ADAMTS3: variants seen among roughly 807,000 people sequenced by gnomAD.
ADAMTS3 encodes the protein ADAM metallopeptidase with thrombospondin type 1 motif 3.
Under a neutral mutation model 129.0 loss-of-function variants are expected in ADAMTS3, and 73 were observed. The ratio of observed to expected loss-of-function variants is 0.57; its 90% CI spans 0.47 to 0.69. The LOEUF (loss-of-function observed/expected upper bound fraction) is 0.69. ADAMTS3 is among the 30% of genes least tolerant of loss of function. The pLI is 0.00. For missense variants in ADAMTS3, 1,457 were observed against 1,514.5 expected (o/e 0.96, Z 0.63); for synonymous variants, 477 against 510.8 (o/e 0.93, Z 0.89).
At chr4:72,494,022 G>C (rs788922) in intron 3 of ADAMTS3, among the ~76,000 whole-genome samples, 4,017 of 152,108 alleles carry the variant, frequency 0.026, 200 homozygotes, top group African/African-American at 0.092. Flanking sequence ...TTTGACATTT[G>C]ACAATTTGAT....
chr4:72,410,802 GT>G (rs35589703), intron 4 of ADAMTS3, among the ~76,000 whole-genome samples: 101,595 of 151,792 alleles, frequency 0.67, 34,629 homozygotes, highest in South Asian at 0.8. Flanking sequence ...AAATTAAAGA[GT>G]TTCAAAATGT....
chr4:72,456,219 A>G (rs113922821), intron 3 of ADAMTS3, among the ~76,000 whole-genome samples: 25 of 7,210 alleles, frequency 3.5e-3, no homozygotes, highest in African/African-American at 8.6e-3. Context: ...TATATTTTAT[A>G]TATAGTATGT....
At chr4:72,468,973 T>C (rs1290052619) in intron 3 of ADAMTS3, among the ~76,000 whole-genome samples, 2 of 152,108 alleles carry the variant, frequency 1.3e-5, no homozygotes, top group Non-Finnish European at 2.9e-5. Flanking sequence ...AATTACTAGA[T>C]GGTTGTTCAT....
intron 21 of ADAMTS3, among the ~76,000 whole-genome samples, chr4:72,286,970 A>G (rs999912797): frequency 5.9e-5 from 9 of 152,002 alleles, no homozygotes; most frequent in African/African-American, 2.2e-4. Context: ...GAAGGAGAGG[A>G]AAAAGGTGGG....
chr4:72,345,223 T>C (rs533378927), intron 4 of ADAMTS3, among the ~76,000 whole-genome samples: 15 of 152,278 alleles, frequency 9.9e-5, no homozygotes, highest in African/African-American at 3.1e-4. Context: ...ATGAACAGAA[T>C]ACTGTTATGA....
At chr4:72,501,058 C>G (rs973264469) in intron 3 of ADAMTS3, among the ~76,000 whole-genome samples, 1 of 151,978 alleles carries the variant, frequency 6.6e-6, no homozygotes, top group Non-Finnish European at 1.5e-5. Flanking sequence ...AGGCCTCTGG[C>G]TTTGTTCTTT....
intron 16 of ADAMTS3, among the ~76,000 whole-genome samples, 187 bp from the exon 17 acceptor site, chr4:72,304,267 G>A (rs370791347): frequency 1.3e-5 from 2 of 152,216 alleles, no homozygotes; most frequent in East Asian, 3.9e-4. Flanking sequence ...AAACTCTCAA[G>A]AAGCATTCCT....
intron 3 of ADAMTS3, among the ~76,000 whole-genome samples, chr4:72,416,567 G>C (rs1005826929): frequency 1.1e-4 from 17 of 152,102 alleles, no homozygotes; most frequent in African/African-American, 4.1e-4. Flanking sequence ...TGATCTTCCA[G>C]ATACTCCAAT....
chr4:72,324,750 G>A (rs1719657987), intron 5 of ADAMTS3, among the ~76,000 whole-genome samples: 1 of 152,256 alleles, frequency 6.6e-6, no homozygotes, highest in East Asian at 1.9e-4. Context: ...AAAACCTGAA[G>A]TATTGAGTGC....
chr4:72,466,699 T>C (rs1053115788), intron 3 of ADAMTS3, among the ~76,000 whole-genome samples: 1 of 152,056 alleles, frequency 6.6e-6, no homozygotes, highest in African/African-American at 2.4e-5. Flanking sequence ...TAATGTTATT[T>C]GCCCAAGTTC....
chr4:72,486,078 T>C (rs751938838), intron 3 of ADAMTS3, among the ~76,000 whole-genome samples: 2 of 152,226 alleles, frequency 1.3e-5, no homozygotes, highest in South Asian at 4.1e-4. Flanking sequence ...TAGACTAAGA[T>C]GATACCTAGT....
At chr4:72,306,802 G>T (rs1719100335) in intron 15 of ADAMTS3, among the ~76,000 whole-genome samples, 2 of 151,812 alleles carry the variant, frequency 1.3e-5, no homozygotes, top group Admixed American at 1.3e-4. Flanking sequence ...ATGCTTAATA[G>T]GTTGCTTTGT....
At chr4:72,333,266 A>G (rs1719897080) in intron 5 of ADAMTS3, among the ~76,000 whole-genome samples, 1 of 152,186 alleles carries the variant, frequency 6.6e-6, no homozygotes, top group South Asian at 2.1e-4. Flanking sequence ...ATACCTTCAA[A>G]GATTTCATCA....
intron 10 of ADAMTS3, among the ~76,000 whole-genome samples, chr4:72,317,318 A>C (rs868632696): frequency 6.6e-6 from 1 of 152,222 alleles, no homozygotes; most frequent in Non-Finnish European, 1.5e-5. Flanking sequence ...AATGCAAGTA[A>C]TTAGGAGCTC....
At chr4:72,483,071 A>T (rs551333941) in intron 3 of ADAMTS3, among the ~76,000 whole-genome samples, 4 of 152,270 alleles carry the variant, frequency 2.6e-5, no homozygotes, top group African/African-American at 9.6e-5. Context: ...ACTGAATGCA[A>T]TTTTCCTAAG....
rs751076490 is a variant in ADAMTS3, at chr4:72,318,675, A to G, written c.1382T>C (p.Phe461Ser). The change falls in exon 10 of 22, where the codon TTT (phenylalanine) becomes TCT (serine). Residue 461 changes from phenylalanine (F) to serine (S), a missense_variant. By Grantham distance (155) the Phe-to-Ser change is radical. Transcript: ENST00000286657. ...TGGGAGTTTAGGCCAATCATGATCAAAAGGGTCATCAAGGAGACAGTCATA... is the reference window on the plus strand; with the variant it reads ...TGGGAGTTTAGGCCAATCATGATCAGAAGGGTCATCAAGGAGACAGTCATA... ...HSYDCLLDDP[F>S]DHDWPKLPEL... is the part of the protein sequence containing the mutation. The G allele has an allele frequency of 5.6e-6, 9 of 1,613,838 alleles. No homozygotes were observed. Among genetic ancestry groups the G allele is most frequent in the Non-Finnish European group, 7.6e-6 (9 of 1,179,820 alleles).
At chr4:72,290,483 A>C (rs1237563705) in intron 20 of ADAMTS3, among the ~76,000 whole-genome samples, 2 of 152,178 alleles carry the variant, frequency 1.3e-5, no homozygotes, top group African/African-American at 2.4e-5. Context: ...GTTTACTCGA[A>C]CTGGGACAAA....
intron 4 of ADAMTS3, among the ~76,000 whole-genome samples, chr4:72,368,263 C>T (rs1373122661): frequency 6.6e-6 from 1 of 152,118 alleles, no homozygotes; most frequent in East Asian, 1.9e-4. Context: ...CATTAGTTTT[C>T]GAAGTGTGGT....
At chr4:72,334,266 T>C (rs1719928668) in intron 5 of ADAMTS3, among the ~76,000 whole-genome samples, 1 of 152,178 alleles carries the variant, frequency 6.6e-6, no homozygotes, top group African/African-American at 2.4e-5. Flanking sequence ...ATTTGATTTC[T>C]CCACCAGTCT....
Sources: allele counts gnomAD v4.1 joint callset (sites outside exome capture counted in the v4.1 genomes callset), GRCh38; gene constraint gnomAD v4.1.1; transcripts MANE v1.5; gene names NCBI Gene and HGNC (gene_info 2026-07-23, HGNC 2026-07-21).